Variants in SEC14L1 observed in about 807,000 individuals in gnomAD.
SEC14L1 encodes SEC14 like lipid binding 1, also known as SEC14-like protein 1.
Under a neutral mutation model 85.3 loss-of-function variants are expected in SEC14L1, and 48 were observed. The observed-to-expected ratio is 0.56, with a 90% CI of 0.45 to 0.72. The LOEUF is 0.72. SEC14L1 is among the 30% of genes least tolerant of loss of function. SEC14L1 has a pLI of 0.00. For missense variants in SEC14L1, 682 were observed against 921.4 expected (o/e 0.74, Z 3.36); for synonymous variants, 391 against 355.5 (o/e 1.10, Z -1.12).
Position 77,213,277 on chromosome 17 carries a change from G to T in SEC14L1, c.1864-37G>T. ...CTGTGGTAGGCCAGGGGTCGGAAGCGAGTCGCCCTCAGCTGCCACTGCCCT... is the reference window on the plus strand; with the variant it reads ...CTGTGGTAGGCCAGGGGTCGGAAGCTAGTCGCCCTCAGCTGCCACTGCCCT... On this transcript the variant is annotated intron_variant, in intron 15 of 16. Coordinates refer to ENST00000436233, the MANE Select transcript of SEC14L1 (RefSeq NM_001143998.2). The surrounding 1 kb of genome is among the most constrained non-coding windows in gnomAD (Gnocchi z 7.1). The T allele has an allele frequency of 2.6e-6, 4 of 1,563,482 alleles. No homozygotes were observed. Among genetic ancestry groups the T allele is most frequent in the Non-Finnish European group, 3.5e-6 (4 of 1,153,646 alleles).
At chr17:77,102,513 C>CT (rs781605852) in intron 3 of SEC14L1, among the ~76,000 whole-genome samples, 3 of 150,414 alleles carry the variant, frequency 2.0e-5, no homozygotes, top group Admixed American at 6.7e-5. Context: ...TTCTTTTTTT[C>CT]TTTTTTTTGA....
At chr17:77,197,229 C>T (rs1023014325) in intron 8 of SEC14L1, among the ~76,000 whole-genome samples, 4 of 152,174 alleles carry the variant, frequency 2.6e-5, no homozygotes, top group African/African-American at 9.7e-5. Context: ...ATGTTCCCAC[C>T]CCCTTCTTGT....
chr17:77,194,997 G>A (rs545940674), intron 7 of SEC14L1, 86 bp downstream of exon 7: 27 of 954,268 alleles, frequency 2.8e-5, no homozygotes, highest in Admixed American at 4.6e-5. Flanking sequence ...GCCTGTTCCC[G>A]CTTCCTTGGA....
intron 3 of SEC14L1, among the ~76,000 whole-genome samples, chr17:77,109,351 G>T (rs1971997467): frequency 6.6e-6 from 1 of 152,116 alleles, no homozygotes. Context: ...TGATCCTCCT[G>T]CCTGGGCCTC....
intron 3 of SEC14L1, among the ~76,000 whole-genome samples, chr17:77,148,099 A>T (rs1324949324): frequency 6.6e-6 from 1 of 152,194 alleles, no homozygotes; most frequent in Non-Finnish European, 1.5e-5. Flanking sequence ...CACAAACTTT[A>T]AAAGTTAAAC....
chr17:77,139,679 AGT>A (rs1329731248), upstream of SEC14L1, among the ~76,000 whole-genome samples: 1 of 150,606 alleles, frequency 6.6e-6, no homozygotes, highest in Admixed American at 6.6e-5. Flanking sequence ...TTGTATTTTT[AGT>A]AGAGACAGGG....
At chr17:77,173,964 G>A (rs1325243648) in intron 3 of SEC14L1, among the ~76,000 whole-genome samples, 10 of 151,514 alleles carry the variant, frequency 6.6e-5, no homozygotes, top group African/African-American at 2.2e-4. Context: ...GCAATGGCAC[G>A]ATCTCCGCTC....
At chr17:77,202,164 G>T (rs148071400) in intron 9 of SEC14L1, among the ~76,000 whole-genome samples, 57 of 152,110 alleles carry the variant, frequency 3.7e-4, no homozygotes, top group Admixed American at 3.7e-3. Context: ...CCTCTCAGGC[G>T]GCACCCATTA....
In SEC14L1 at chr17:77,215,997, G is replaced by T. The variant is rs1977038017; in HGVS notation, c.*1974G>T. ...GTAGGGTTAGTAGGTAGGGCTAGTA[G>T]GTAGGGTTCGTAGGTAGGGTTCGTA... On this transcript the variant is annotated 3_prime_UTR_variant, in exon 17 of 17. Transcript: ENST00000436233. The T allele has an allele frequency of 3.2e-6, 3 of 935,086 alleles. 1 individual carries two copies. 57.9% of individuals were successfully genotyped at this position (935,086 alleles called of 1,614,324 possible).
chr17:77,146,420 C>T (rs1260715014), intron 3 of SEC14L1, among the ~76,000 whole-genome samples: 3 of 152,186 alleles, frequency 2.0e-5, no homozygotes, highest in Non-Finnish European at 2.9e-5. Flanking sequence ...GTTCAGACTT[C>T]CTTATTTCCC....
intron 3 of SEC14L1, among the ~76,000 whole-genome samples, chr17:77,151,747 A>G (rs1973567696): frequency 1.3e-5 from 2 of 152,208 alleles, no homozygotes; most frequent in South Asian, 4.1e-4. Context: ...TTATGCCCGT[A>G]ATCCCAGCAC....
At chr17:77,166,105 T>C (rs1378408570) in intron 3 of SEC14L1, among the ~76,000 whole-genome samples, 1 of 152,098 alleles carries the variant, frequency 6.6e-6, no homozygotes, top group East Asian at 1.9e-4. Flanking sequence ...TATTGAGTAT[T>C]GTACTTATTC....
intron 3 of SEC14L1, among the ~76,000 whole-genome samples, chr17:77,121,428 G>A (rs1452616265): frequency 5.9e-5 from 9 of 152,012 alleles, no homozygotes; most frequent in African/African-American, 2.2e-4. Context: ...GCACTATCTC[G>A]GCTCACTGTA....
At position 77,194,885 on chromosome 17, in the gene SEC14L1, C is replaced by G; in HGVS notation, c.683C>G (p.Pro228Arg). 1 of 1,614,174 alleles carries G rather than the reference C, an allele frequency of 6.2e-7. No homozygotes were observed. The highest frequency in any genetic ancestry group is 1.1e-5 in the South Asian group (1 of 91,086). Residue 228 changes from proline to arginine, a missense_variant, in exon 7 of 17, where the codon CCT (proline) becomes CGT (arginine). Around this residue, in one of 3 missense-constraint regions of SEC14L1, gnomAD observed 123 missense variants for 100.6 expected, o/e 1.22. Coordinates refer to ENST00000436233, the MANE Select transcript of SEC14L1 (RefSeq NM_001143998.2). ...GATGCCCTCAGCAGCCCCAGCGCAC[C>G]TGAGCCCGTGGTGGGCACCCCTGAC... Reference protein sequence around the residue: ...SGDALSSPSAPEPVVGTPDDK... With the variant: ...SGDALSSPSAREPVVGTPDDK...
intron 3 of SEC14L1, among the ~76,000 whole-genome samples, chr17:77,163,894 A>G (rs1974175751): frequency 6.6e-6 from 1 of 152,202 alleles, no homozygotes; most frequent in South Asian, 2.1e-4. Flanking sequence ...TTTGACCTTG[A>G]CAAGCCCAGG....
upstream of SEC14L1, among the ~76,000 whole-genome samples, chr17:77,137,102 T>A (rs1177459425): frequency 6.6e-6 from 1 of 151,798 alleles, no homozygotes; most frequent in Non-Finnish European, 1.5e-5. Flanking sequence ...AGAGACGGGG[T>A]TTCTCCATAT....
In SEC14L1 at chr17:77,198,689, T is replaced by C. The variant is rs967813641; in HGVS notation, c.820-1795T>C. Among the ~76,000 whole-genome samples, 11 of 151,786 alleles carry C rather than the reference T, an allele frequency of 7.2e-5. 1 individual carries two copies. The highest frequency in any genetic ancestry group is 1.7e-4 in the African/African-American group (7 of 41,410). On this transcript the variant is annotated intron_variant, in intron 8 of 16. Coordinates refer to ENST00000436233, the MANE Select transcript of SEC14L1 (RefSeq NM_001143998.2). ...TCCTGGGTTCACGCCATTCTTCTGCTTCAGCCTCCCCAGTAGCTGGGACTC... is the reference window on the plus strand; with the variant it reads ...TCCTGGGTTCACGCCATTCTTCTGCCTCAGCCTCCCCAGTAGCTGGGACTC...
At chr17:77,140,378 C>T (rs773739319), upstream of SEC14L1, among the ~76,000 whole-genome samples, 6 of 152,226 alleles carry the variant, frequency 3.9e-5, no homozygotes, top group Non-Finnish European at 5.9e-5. Context: ...GAGCCCTGGG[C>T]CGCGCAGCAC....
intron 3 of SEC14L1, among the ~76,000 whole-genome samples, chr17:77,183,883 A>G (rs959598600): frequency 3.9e-4 from 59 of 151,814 alleles, no homozygotes; most frequent in African/African-American, 1.4e-3. Context: ...CTGTTCCATA[A>G]TTTGGGTTTG....
Sources: allele counts gnomAD v4.1 joint callset (sites outside exome capture counted in the v4.1 genomes callset), GRCh38; gene constraint gnomAD v4.1.1; regional missense constraint gnomAD v4.1.1; non-coding constraint Gnocchi (gnomAD v3.1); transcripts MANE v1.5; gene names NCBI Gene and HGNC (gene_info 2026-07-23, HGNC 2026-07-21).